Variants in NALCN observed in about 807,000 individuals in gnomAD.
NALCN encodes sodium leak channel, non-selective.
A neutral mutation model predicts 225.3 loss-of-function variants in NALCN; 111 were observed. The ratio of observed to expected loss-of-function variants is 0.49; its 90% CI spans 0.42 to 0.58. The LOEUF (loss-of-function observed/expected upper bound fraction) is 0.58. Among genes scored for constraint, NALCN ranks in the 20% least tolerant of loss-of-function variants. The pLI, the probability that NALCN is intolerant of heterozygous loss-of-function variation, is 0.00. For missense variants in NALCN, 1,378 were observed against 2,202.4 expected, an observed-to-expected ratio of 0.63 and a Z score of 7.49; for synonymous variants, 764 against 769.0, an observed-to-expected ratio of 0.99 and a Z score of 0.11.
chr13:101,258,587 A>G lies in NALCN; in HGVS notation c.1135-13T>C, dbSNP rs1471975656. On this transcript the variant is annotated splice_polypyrimidine_tract_variant and intron_variant, in intron 10 of 43. Coordinates refer to ENST00000251127, the MANE Select transcript of NALCN (RefSeq NM_052867.4). ...ACCGCATCATTTTCTGAGGGGGCGA[A>G]ACAGACAGACTCTTAACAAAGAAAT... 6.2e-7 allele frequency: 1 copy of G among 1,614,156 alleles called. No homozygotes were observed. Among genetic ancestry groups the G allele is most frequent in the South Asian group, 1.1e-5 (1 of 91,078 alleles).
At chr13:101,334,146 A>G (rs1594694613) in intron 7 of NALCN, among the ~76,000 whole-genome samples, 2 of 152,108 alleles carry the variant, frequency 1.3e-5, no homozygotes, top group African/African-American at 4.8e-5. Flanking sequence ...GAACGAATCC[A>G]GAACATAAGG....
chr13:101,334,176 G>A (rs1021129106), intron 7 of NALCN, among the ~76,000 whole-genome samples: 6 of 145,572 alleles, frequency 4.1e-5, no homozygotes, highest in African/African-American at 1.6e-4. Context: ...ACACAGGCAC[G>A]CACGTGTGCA....
At chr13:101,342,141 C>T (rs1042073157) in intron 7 of NALCN, among the ~76,000 whole-genome samples, 1 of 152,104 alleles carries the variant, frequency 6.6e-6, no homozygotes, top group Non-Finnish European at 1.5e-5. Flanking sequence ...TTTTATAATA[C>T]AGGTGTGTGT....
At chr13:101,238,503 A>G (rs2041646050) in intron 11 of NALCN, among the ~76,000 whole-genome samples, 1 of 151,970 alleles carries the variant, frequency 6.6e-6, no homozygotes, top group Admixed American at 6.6e-5. Context: ...TTAGTATATT[A>G]ACACATTTAT....
In NALCN at chr13:101,367,453, T is replaced by A. The variant is rs36032289; in HGVS notation, c.644+9247A>T. ...ATTACTAATCAATGCCTAAGGTAAT[T>A]AATCTTTGGCTGCCTCAAGTGTGAG... is the stretch of plus-strand genomic sequence containing the variant. On this transcript the variant is annotated intron_variant, in intron 6 of 43. Transcript: ENST00000251127. 4.7e-3 allele frequency among the ~76,000 whole-genome samples: 722 copies of A among 152,258 alleles called. 1 individual carries two copies. The highest frequency in any genetic ancestry group is 8.5e-3 in the Non-Finnish European group (575 of 68,012).
At chr13:101,211,562 G>GAA (rs200579076) in intron 13 of NALCN, among the ~76,000 whole-genome samples, 1 of 142,170 alleles carries the variant, frequency 7.0e-6, no homozygotes, top group East Asian at 2.0e-4. Context: ...CAGGAGCAAG[G>GAA]AAAAAAAAAC....
intron 1 of NALCN, among the ~76,000 whole-genome samples, chr13:101,411,436 G>A (rs2047783554): frequency 6.6e-6 from 1 of 150,396 alleles, no homozygotes. Flanking sequence ...TCTGCCTCCT[G>A]GGTTCAAATG....
chr13:101,355,224 T>A (rs1471986763), intron 6 of NALCN, among the ~76,000 whole-genome samples: 1 of 152,106 alleles, frequency 6.6e-6, no homozygotes, highest in African/African-American at 2.4e-5. Context: ...CAATTAAACC[T>A]TTCTTCTTTA....
At position 101,070,063 on chromosome 13, in the gene NALCN, G is replaced by GTTCTTTTTTTTTT. The variant is rs536866923; in HGVS notation, c.4198-1237_4198-1236insAAAAAAAAAAGAA. Reference sequence around the variant, plus strand: ...TGACCTCCTTCCATGAATCATGAATGTTTTTTTTTTTTTTTTTTTTTGAGA... The same window carrying GTTCTTTTTTTTTT: ...TGACCTCCTTCCATGAATCATGAATGTTCTTTTTTTTTTTTTTTTTTTTTTTTTTTTTTTGAGA... On this transcript the variant is annotated intron_variant, in intron 37 of 43. Transcript: ENST00000251127. Among the ~76,000 whole-genome samples, 19 of 98,312 alleles carry GTTCTTTTTTTTTT rather than the reference G, an allele frequency of 1.9e-4. 3 individuals carry two copies. The highest frequency in any genetic ancestry group is 3.4e-4 in the African/African-American group (8 of 23,656). 64.5% of individuals were successfully genotyped at this position (98,312 alleles called of 152,430 possible).
At chr13:101,154,960 C>CA (rs1326238414) in intron 15 of NALCN, among the ~76,000 whole-genome samples, 1 of 151,908 alleles carries the variant, frequency 6.6e-6, no homozygotes, top group Non-Finnish European at 1.5e-5. Context: ...TTTTTAAGAT[C>CA]AAAAAAGAAT....
At chr13:101,077,871 G>A (rs2033362124) in intron 34 of NALCN, among the ~76,000 whole-genome samples, 1 of 152,192 alleles carries the variant, frequency 6.6e-6, no homozygotes, top group Non-Finnish European at 1.5e-5. Flanking sequence ...TGGAAGCCTA[G>A]AAGGGAACAA....
At chr13:101,328,023 C>T (rs2045024031) in intron 7 of NALCN, among the ~76,000 whole-genome samples, 3 of 152,106 alleles carry the variant, frequency 2.0e-5, no homozygotes, top group Admixed American at 2.0e-4. Flanking sequence ...TGCGATAAAA[C>T]TTTGTTTACA....
Position 101,306,638 on chromosome 13 carries a change from C to A in NALCN, c.800-14272G>T, listed in dbSNP as rs188769010. Among the ~76,000 whole-genome samples, 992 of 152,316 alleles carry A rather than the reference C, an allele frequency of 6.5e-3. 15 individuals are homozygous for A. Among genetic ancestry groups the A allele is most frequent in the African/African-American group, 0.023 (943 of 41,572 alleles). On this transcript the variant is annotated intron_variant, in intron 7 of 43. Coordinates refer to ENST00000251127, the MANE Select transcript of NALCN (RefSeq NM_052867.4). The stretch of plus-strand genomic sequence containing the variant: ...TCGTCCTCCACCTCAGCATCCCAAA[C>A]GTTAGAATATCATCACATTCATTAA...
chr13:101,360,147 TTTTTC>T (rs1040356348), intron 6 of NALCN, among the ~76,000 whole-genome samples: 2 of 149,004 alleles, frequency 1.3e-5, no homozygotes, highest in African/African-American at 5.2e-5. Context: ...TTTCTCTCTT[TTTTTC>T]TTTCTTTCTT....
chr13:101,341,671 T>A (rs2045563409), intron 7 of NALCN, among the ~76,000 whole-genome samples: 1 of 152,210 alleles, frequency 6.6e-6, no homozygotes, highest in Admixed American at 6.5e-5. Flanking sequence ...TTATGACTCA[T>A]CTTTGAAATA....
chr13:101,110,133 G>A (rs1401184618), intron 20 of NALCN, among the ~76,000 whole-genome samples: 2 of 152,162 alleles, frequency 1.3e-5, no homozygotes, highest in East Asian at 3.9e-4. Context: ...ATAAATCCAT[G>A]ACTTAGAGTC....
chr13:101,255,216 C>T (rs1194809479), intron 11 of NALCN, among the ~76,000 whole-genome samples: 1 of 152,154 alleles, frequency 6.6e-6, no homozygotes, highest in Non-Finnish European at 1.5e-5. Context: ...CTCTACAATA[C>T]ACTTAAATAG....
intron 11 of NALCN, among the ~76,000 whole-genome samples, chr13:101,251,207 T>C (rs532280485): frequency 1.3e-5 from 2 of 152,242 alleles, no homozygotes; most frequent in African/African-American, 4.8e-5. Context: ...TGAAGTATTG[T>C]TTTCAACAGC....
chr13:101,095,747 T>G, intron 27 of NALCN, 67 bp from the exon 28 acceptor site: 1 of 1,293,752 alleles, frequency 7.7e-7, no homozygotes, highest in Non-Finnish European at 1.1e-6. Context: ...AGATAAAGGA[T>G]AGGAAACTCT....
Sources: gnomAD v4.1 joint callset for allele counts (sites outside exome capture counted in the v4.1 genomes callset) on GRCh38, gnomAD v4.1.1 for gene constraint, MANE v1.5 for transcripts, NCBI Gene and HGNC (gene_info 2026-07-23, HGNC 2026-07-21) for gene names.